TTC7A: variants seen among roughly 807,000 people sequenced by gnomAD.
TTC7A encodes the protein tetratricopeptide repeat domain 7A.
A neutral mutation model predicts 103.7 loss-of-function variants in TTC7A; 110 were observed. The ratio of observed to expected loss-of-function variants is 1.06; its 90% CI spans 0.91 to 1.24. TTC7A has a LOEUF of 1.24. Among genes scored for constraint, TTC7A ranks in the 50% most tolerant of loss-of-function variants. The probability of loss-of-function intolerance (pLI) is 0.00; values close to 1 mark genes in which losing one functional copy is unlikely to be tolerated. For synonymous variants in TTC7A, 521 were observed against 467.9 expected, an observed-to-expected ratio of 1.11 and a Z score of -1.47; for missense variants, 1,340 against 1,116.3, an observed-to-expected ratio of 1.20 and a Z score of -2.86.
intron 19 of TTC7A, among the ~76,000 whole-genome samples, chr2:47,067,597 C>T (rs1475273120): frequency 6.6e-6 from 1 of 152,186 alleles, no homozygotes; most frequent in Non-Finnish European, 1.5e-5. Context: ...GGAGGAGGCA[C>T]CTGCAGGTTG....
At chr2:46,969,871 A>T (rs1238632394) in intron 3 of TTC7A, among the ~76,000 whole-genome samples, 2 of 152,180 alleles carry the variant, frequency 1.3e-5, no homozygotes, top group East Asian at 3.9e-4. Flanking sequence ...GGTAGAGAGG[A>T]TGATGACAAT....
intron 14 of TTC7A, among the ~76,000 whole-genome samples, chr2:47,026,074 C>T (rs1213300626): frequency 1.3e-5 from 2 of 152,220 alleles, no homozygotes; most frequent in Non-Finnish European, 1.5e-5. Flanking sequence ...GCCAGTGGAG[C>T]CTAGGGCCCA....
chr2:46,947,946 C>G (rs533156065), intron 1 of TTC7A, among the ~76,000 whole-genome samples: 2 of 152,270 alleles, frequency 1.3e-5, no homozygotes, highest in Admixed American at 1.3e-4. Flanking sequence ...CATGGCCAGC[C>G]GCACTTGGAG....
At position 47,074,098 on chromosome 2, in the gene TTC7A, G is replaced by C. The variant is rs1357758449; in HGVS notation, c.*175G>C. The C allele has an allele frequency of 1.7e-6, 1 of 605,930 alleles. No homozygotes were observed. Among genetic ancestry groups the C allele is most frequent in the Non-Finnish European group, 2.9e-6 (1 of 343,178 alleles). 37.5% of individuals were successfully genotyped at this position (605,930 alleles called of 1,614,324 possible). A position where few individuals can be genotyped will look rare whatever the true frequency, so the allele number is the denominator to read the frequency against. On this transcript the variant is annotated 3_prime_UTR_variant, in exon 20 of 20. Transcript: ENST00000319190. ...TTGGCTGGGCCAAGAGGGCCTTCCT[G>C]GATTTCTTTGTTGGTGCCTTGGGAA...
At chr2:46,969,253 C>T (rs1199846398) in intron 3 of TTC7A, among the ~76,000 whole-genome samples, 1 of 151,796 alleles carries the variant, frequency 6.6e-6, no homozygotes, top group Non-Finnish European at 1.5e-5. Context: ...CCTGTAATCC[C>T]AGCACTTTGG....
chr2:46,971,371 C>A (rs1194064607), intron 3 of TTC7A, among the ~76,000 whole-genome samples: 1 of 152,106 alleles, frequency 6.6e-6, no homozygotes, highest in East Asian at 1.9e-4. Context: ...ACATTCCAGG[C>A]AGGAGGAACA....
rs560842552 is a variant in TTC7A, at chr2:47,070,623, C to T, written c.2356-3079C>T. Among the ~76,000 whole-genome samples, 344 of 152,258 alleles carry T rather than the reference C, an allele frequency of 2.3e-3. 3 individuals are homozygous for T. Among genetic ancestry groups the T allele is most frequent in the African/African-American group, 7.4e-3 (309 of 41,530 alleles). Reference sequence around the variant, plus strand: ...GCGGTTGTGTGGTCAGGAGGAGCTCCGCCCTCAGGGAAGGCTTCCTGGGAG... The same window carrying T: ...GCGGTTGTGTGGTCAGGAGGAGCTCTGCCCTCAGGGAAGGCTTCCTGGGAG... On this transcript the variant is annotated intron_variant, in intron 19 of 19. Transcript: ENST00000319190.
At chr2:46,989,307 A>G (rs1675361581) in intron 5 of TTC7A, among the ~76,000 whole-genome samples, 1 of 152,186 alleles carries the variant, frequency 6.6e-6, no homozygotes, top group South Asian at 2.1e-4. Flanking sequence ...CTGTTTGGAT[A>G]TTGTTAAAAG....
chr2:46,944,374 G>GGT (rs1553364975), intron 1 of TTC7A, among the ~76,000 whole-genome samples: 18 of 88,960 alleles, frequency 2.0e-4, no homozygotes, highest in African/African-American at 8.1e-4. Flanking sequence ...GGTATTTTGG[G>GGT]TTTTTTTTTT....
intron 11 of TTC7A, among the ~76,000 whole-genome samples, chr2:47,017,092 C>T (rs993599078): frequency 1.0e-4 from 15 of 149,494 alleles, no homozygotes; most frequent in African/African-American, 3.5e-4. Context: ...CCCAGTGACT[C>T]GGAAGGCTGA....
intron 15 of TTC7A, among the ~76,000 whole-genome samples, chr2:47,033,703 G>C (rs541794293): frequency 1.6e-4 from 24 of 152,322 alleles, no homozygotes; most frequent in African/African-American, 4.8e-4. Context: ...GGTTTATTGT[G>C]AGACTCAGGA....
intron 15 of TTC7A, among the ~76,000 whole-genome samples, chr2:47,032,906 A>G (rs1042276496): frequency 2.0e-5 from 3 of 148,892 alleles, no homozygotes; most frequent in Non-Finnish European, 4.5e-5. Context: ...TATACCATTT[A>G]TAGAGATATA....
chr2:46,972,782 G>T (rs543439107), intron 3 of TTC7A, among the ~76,000 whole-genome samples: 1 of 152,212 alleles, frequency 6.6e-6, no homozygotes, highest in Non-Finnish European at 1.5e-5. Flanking sequence ...TGCATAACTC[G>T]AGCACCTACT....
At chr2:47,010,944 C>T (rs1443830826) in intron 10 of TTC7A, among the ~76,000 whole-genome samples, 1 of 152,194 alleles carries the variant, frequency 6.6e-6, no homozygotes, top group Non-Finnish European at 1.5e-5. Context: ...AAGTGATCTG[C>T]CTGCCTCGGT....
At chr2:46,966,238 T>G (rs1672833471) in intron 3 of TTC7A, among the ~76,000 whole-genome samples, 1 of 151,994 alleles carries the variant, frequency 6.6e-6, no homozygotes, top group Non-Finnish European at 1.5e-5. Flanking sequence ...TGTGAGCCAC[T>G]GTGCTTGGCC....
chr2:47,071,938 C>G (rs1684764606), intron 19 of TTC7A, among the ~76,000 whole-genome samples: 1 of 152,382 alleles, frequency 6.6e-6, no homozygotes, highest in South Asian at 2.1e-4. Flanking sequence ...GCCTTGCCGG[C>G]CTTTCCCTTC....
At chr2:46,965,513 T>C (rs1404239491) in intron 3 of TTC7A, among the ~76,000 whole-genome samples, 1 of 151,456 alleles carries the variant, frequency 6.6e-6, no homozygotes, top group Non-Finnish European at 1.5e-5. Context: ...TAGTCGACAC[T>C]GATGCTTTTA....
In TTC7A at chr2:46,941,232, A is replaced by C. The variant is rs1286169520; in HGVS notation, c.-310A>C. 4.0e-5 allele frequency: 6 copies of C among 149,604 alleles called. No individual in the cohort carries two copies. The Admixed American group carries it at 4.1e-4, about 10-fold the overall frequency. The allele number at this position is 149,604 out of a possible 1,614,324, so 9.3% of individuals were successfully genotyped here. On this transcript the variant is annotated 5_prime_UTR_variant, in exon 1 of 20. Transcript: ENST00000319190. The surrounding 1 kb of genome is among the most constrained non-coding windows in gnomAD (Gnocchi z 4.2). ...GGCCCGGGGCGGAGGCTGTGGCAGCAGCTGCAGCGGCGGCGGCGGCGGCAG... is the reference window on the plus strand; with the variant it reads ...GGCCCGGGGCGGAGGCTGTGGCAGCCGCTGCAGCGGCGGCGGCGGCGGCAG...
intron 11 of TTC7A, among the ~76,000 whole-genome samples, chr2:47,015,097 C>T (rs1461811347): frequency 2.0e-5 from 3 of 152,210 alleles, no homozygotes; most frequent in African/African-American, 7.2e-5. Context: ...TCTTGAAGTT[C>T]CCCTTGGTGA....
Sources: allele counts gnomAD v4.1 joint callset (sites outside exome capture counted in the v4.1 genomes callset), GRCh38; gene constraint gnomAD v4.1.1; non-coding constraint Gnocchi (gnomAD v3.1); transcripts MANE v1.5; gene names NCBI Gene and HGNC (gene_info 2026-07-23, HGNC 2026-07-21).